OOEP: variants seen among roughly 807,000 people sequenced by gnomAD.
OOEP encodes the protein oocyte expressed protein.
Under a neutral mutation model 13.7 loss-of-function variants are expected in OOEP, and 16 were observed. The observed-to-expected ratio is 1.16, with a 90% CI of 0.79 to 1.77. The LOEUF (loss-of-function observed/expected upper bound fraction) is 1.77. Among genes scored for constraint, OOEP ranks in the 40% most tolerant of loss-of-function variants. OOEP has a pLI of 0.00. For missense variants in OOEP, 195 were observed against 193.1 expected, an observed-to-expected ratio of 1.01 and a Z score of -0.06; for synonymous variants, 89 against 77.1, an observed-to-expected ratio of 1.15 and a Z score of -0.81.
At chr6:73,384,310 G>C (rs927518210) in intron 2 of OOEP, among the ~76,000 whole-genome samples, 1 of 151,826 alleles carries the variant, frequency 6.6e-6, no homozygotes, top group Non-Finnish European at 1.5e-5. Context: ...CAACATTTCC[G>C]ACAAAGAAAA....
chr6:73,371,547 G>A (rs200554670), upstream of OOEP, among the ~76,000 whole-genome samples: 32 of 152,154 alleles, frequency 2.1e-4, 1 homozygote, highest in East Asian at 5.4e-3. Context: ...TCGGGAGTTC[G>A]AGACCAGCCT....
intron 2 of OOEP, among the ~76,000 whole-genome samples, chr6:73,386,977 G>GAAAAAA (rs1169476638): frequency 6.2e-4 from 19 of 30,880 alleles, no homozygotes; most frequent in East Asian, 1.1e-3. Flanking sequence ...TTCCATCTCA[G>GAAAAAA]AAAAAAAAAA....
chr6:73,372,086 T>C (rs1769066339), upstream of OOEP, among the ~76,000 whole-genome samples: 1 of 152,086 alleles, frequency 6.6e-6, no homozygotes, highest in Admixed American at 6.6e-5. Context: ...CCTGCTTGGG[T>C]GACAGAGCGA....
chr6:73,386,330 G>A (rs1387293204), intron 2 of OOEP, among the ~76,000 whole-genome samples: 1 of 151,932 alleles, frequency 6.6e-6, no homozygotes, highest in Non-Finnish European at 1.5e-5. Context: ...CCAACCTCAG[G>A]TGATCTGCCT....
At chr6:73,379,363 G>A (rs1769171712) in intron 2 of OOEP, among the ~76,000 whole-genome samples, 1 of 150,482 alleles carries the variant, frequency 6.6e-6, no homozygotes, top group Non-Finnish European at 1.5e-5. Context: ...TCAGTGGCCT[G>A]GCCAGGCATG....
At chr6:73,379,243 C>T (rs1562278570) in intron 2 of OOEP, among the ~76,000 whole-genome samples, 1 of 151,424 alleles carries the variant, frequency 6.6e-6, no homozygotes. Flanking sequence ...AGGCTGGTCT[C>T]AAACTCCTGG....
chr6:73,369,105 A>G, intron 2 of OOEP, 101 bp downstream of exon 2: 1 of 1,323,648 alleles, frequency 7.6e-7, no homozygotes, highest in African/African-American at 1.5e-5. Context: ...TCTGGAAACC[A>G]AGAAATTTTG....
chr6:73,377,421 C>T lies in OOEP; in HGVS notation c.26-8036G>A, dbSNP rs1264183096. ...GCCTCAGGAGTAGATAAACAACCTGCTCATGCATGCAAGTCACCACACCTC... is the reference window on the plus strand; with the variant it reads ...GCCTCAGGAGTAGATAAACAACCTGTTCATGCATGCAAGTCACCACACCTC... On this transcript the variant is annotated intron_variant, in intron 2 of 3. Transcript: ENST00000370363. Among the ~76,000 whole-genome samples the T allele has an allele frequency of 3.8e-4, 17 of 45,316 alleles. No homozygotes were observed. In the Admixed American group the frequency reaches 5.9e-3, roughly 16 times the overall value. 29.7% of individuals were successfully genotyped at this position (45,316 alleles called of 152,430 possible). A position where few individuals can be genotyped will look rare whatever the true frequency, so the allele number is the denominator to read the frequency against.
intron 2 of OOEP, among the ~76,000 whole-genome samples, chr6:73,378,623 G>T (rs1769162459): frequency 6.6e-6 from 1 of 151,988 alleles, no homozygotes; most frequent in Non-Finnish European, 1.5e-5. Flanking sequence ...AGCACTTTGG[G>T]TGGCCAAGGC....
At chr6:73,385,117 T>C (rs1227799024) in intron 2 of OOEP, among the ~76,000 whole-genome samples, 6 of 151,180 alleles carry the variant, frequency 4.0e-5, no homozygotes, top group East Asian at 2.0e-4. Context: ...GAGGCCAAGG[T>C]GGGCAGATCA....
chr6:73,387,404 C>T (rs1769288408), intron 2 of OOEP, among the ~76,000 whole-genome samples: 1 of 151,874 alleles, frequency 6.6e-6, no homozygotes, highest in Admixed American at 6.6e-5. Flanking sequence ...ATCCCGGCTA[C>T]TTGGGAAGCC....
rs901095330 is a variant in OOEP at position 73,390,717 on chromosome 6, T to A, written c.25+3629A>T. 2.0e-5 allele frequency among the ~76,000 whole-genome samples: 3 copies of A among 151,378 alleles called. No homozygotes were observed. The South Asian group carries it at 6.3e-4, about 32-fold the overall frequency. On this transcript the variant is annotated intron_variant, in intron 2 of 3. Coordinates refer to the OOEP transcript ENST00000370363. ...TCAGCCTCTCACGTAGCTGGAGCTA[T>A]AAGCATGCACCACCATGCCCAGCTA...
intron 2 of OOEP, among the ~76,000 whole-genome samples, chr6:73,384,520 T>C (rs1412941791): frequency 6.6e-6 from 1 of 152,102 alleles, no homozygotes; most frequent in Non-Finnish European, 1.5e-5. Flanking sequence ...GTAATAAAGA[T>C]GCAAAAATCT....
chr6:73,391,005 G>A (rs1272426303), intron 2 of OOEP: 1 of 152,136 alleles, frequency 6.6e-6, no homozygotes, highest in Non-Finnish European at 1.5e-5. Context: ...CACCACGTGA[G>A]AACACAGTAT....
chr6:73,379,634 ATCTC>A (rs1769174869), intron 2 of OOEP, among the ~76,000 whole-genome samples: 2 of 84,814 alleles, frequency 2.4e-5, no homozygotes, highest in African/African-American at 3.9e-5. Flanking sequence ...GTGAGACTCT[ATCTC>A]AAAAAAAAAA....
upstream of OOEP, among the ~76,000 whole-genome samples, chr6:73,373,596 AT>A (rs1392869800): frequency 6.6e-6 from 1 of 152,008 alleles, no homozygotes. Context: ...TTTTTTATTT[AT>A]TTATTTATTT....
intron 2 of OOEP, chr6:73,394,275 A>T: frequency 1.4e-6 from 1 of 711,174 alleles, no homozygotes; most frequent in Admixed American, 2.0e-5. Flanking sequence ...GCGAGGATAA[A>T]TGCTGTTTTG....
intron 2 of OOEP, among the ~76,000 whole-genome samples, chr6:73,381,662 T>G (rs568464572): frequency 2.6e-5 from 4 of 151,856 alleles, no homozygotes; most frequent in African/African-American, 9.7e-5. Context: ...GGGAAAGAGG[T>G]GGGCCGGCGT....
At chr6:73,372,090 A>T (rs768002416), upstream of OOEP, among the ~76,000 whole-genome samples, 4 of 152,188 alleles carry the variant, frequency 2.6e-5, no homozygotes, top group Non-Finnish European at 4.4e-5. Flanking sequence ...CTTGGGTGAC[A>T]GAGCGAGACC....
Sources: allele counts gnomAD v4.1 joint callset (sites outside exome capture counted in the v4.1 genomes callset), GRCh38; gene constraint gnomAD v4.1.1; transcripts MANE v1.5; gene names NCBI Gene and HGNC (gene_info 2026-07-23, HGNC 2026-07-21).